Variants in FBXO42 observed in about 807,000 individuals in gnomAD.
The protein encoded by FBXO42 is F-box protein 42, also known as F-box only protein 42.
A neutral mutation model predicts 71.7 loss-of-function variants in FBXO42; 12 were observed. The ratio of observed to expected loss-of-function variants is 0.17; its 90% CI spans 0.11 to 0.27. The LOEUF is 0.27. FBXO42 is among the 10% of genes least tolerant of loss of function. The probability of loss-of-function intolerance (pLI) is 1.00; values close to 1 mark genes in which losing one functional copy is unlikely to be tolerated. For missense variants in FBXO42, 707 were observed against 911.9 expected, an observed-to-expected ratio of 0.78 and a Z score of 2.89; for synonymous variants, 325 against 327.5, an observed-to-expected ratio of 0.99 and a Z score of 0.08.
At chr1:16,289,043 C>A (rs534388789) in intron 4 of FBXO42, among the ~76,000 whole-genome samples, 1 of 151,408 alleles carries the variant, frequency 6.6e-6, no homozygotes, top group Non-Finnish European at 1.5e-5. Flanking sequence ...TCTGTCTAGT[C>A]TGGTTTACTT....
At chr1:16,266,209 T>G (rs1161847382) in intron 4 of FBXO42, among the ~76,000 whole-genome samples, 1 of 152,124 alleles carries the variant, frequency 6.6e-6, no homozygotes, top group Non-Finnish European at 1.5e-5. Flanking sequence ...GAAACATCTC[T>G]TTCATACATA....
In FBXO42 at chr1:16,249,189, A is replaced by G. The variant is rs1162192025; in HGVS notation, c.*1481T>C. On this transcript the variant is annotated 3_prime_UTR_variant, in exon 10 of 10. Transcript: ENST00000375592. ...CAAAAATCCCTATTTAAATGGTGCCATTTGAAATAAACTTATTTTGACATC... is the reference window on the plus strand; with the variant it reads ...CAAAAATCCCTATTTAAATGGTGCCGTTTGAAATAAACTTATTTTGACATC... 2 of 152,260 alleles carry G rather than the reference A, an allele frequency of 1.3e-5. No individual in the cohort carries two copies. Among genetic ancestry groups the G allele is most frequent in the Non-Finnish European group, 2.9e-5 (2 of 68,040 alleles). 9.4% of individuals were successfully genotyped at this position (152,260 alleles called of 1,614,324 possible).
chr1:16,261,209 A>G (rs1202210713), intron 4 of FBXO42, among the ~76,000 whole-genome samples: 3 of 151,990 alleles, frequency 2.0e-5, no homozygotes, highest in African/African-American at 7.2e-5. Flanking sequence ...TATTCTTAGA[A>G]CCTCTTTTTC....
chr1:16,264,752 A>G (rs2081753086), intron 4 of FBXO42, among the ~76,000 whole-genome samples: 1 of 152,264 alleles, frequency 6.6e-6, no homozygotes, highest in Non-Finnish European at 1.5e-5. Flanking sequence ...CAGCTGTGGC[A>G]AACTGAATAA....
chr1:16,270,752 A>G (rs6666807), intron 4 of FBXO42, among the ~76,000 whole-genome samples: 729 of 21,498 alleles, frequency 0.034, 14 homozygotes, highest in African/African-American at 0.12. Context: ...ACCATGAGAT[A>G]CACACACACA....
At chr1:16,324,233 C>T (rs546804964) in intron 1 of FBXO42, among the ~76,000 whole-genome samples, 20 of 152,138 alleles carry the variant, frequency 1.3e-4, no homozygotes, top group South Asian at 2.1e-4. Context: ...GTAAAAATAC[C>T]GTGCTTATTG....
At chr1:16,268,155 A>C (rs1401999313) in intron 4 of FBXO42, among the ~76,000 whole-genome samples, 1 of 152,172 alleles carries the variant, frequency 6.6e-6, no homozygotes, top group Non-Finnish European at 1.5e-5. Context: ...TCTTTCAAGT[A>C]GGGACTTTAA....
chr1:16,303,568 ATTT>A (rs35346839), intron 3 of FBXO42, among the ~76,000 whole-genome samples: 4 of 141,326 alleles, frequency 2.8e-5, no homozygotes, highest in Non-Finnish European at 3.1e-5. Context: ...CAAGAAGATA[ATTT>A]TTTTTTTTTT....
chr1:16,260,171 T>C (rs1285430767), intron 4 of FBXO42, among the ~76,000 whole-genome samples: 1 of 151,496 alleles, frequency 6.6e-6, no homozygotes, highest in Non-Finnish European at 1.5e-5. Flanking sequence ...TAATGACTAA[T>C]ATTTATTGAG....
intron 4 of FBXO42, among the ~76,000 whole-genome samples, chr1:16,274,678 G>A (rs561516228): frequency 9.1e-5 from 12 of 132,336 alleles, no homozygotes; most frequent in African/African-American, 3.1e-4. Context: ...TGCAACCTCC[G>A]CCTCCTGGGT....
At chr1:16,276,145 G>T (rs1021995563) in intron 4 of FBXO42, among the ~76,000 whole-genome samples, 15 of 152,038 alleles carry the variant, frequency 9.9e-5, no homozygotes, top group Non-Finnish European at 1.6e-4. Context: ...ACTTTGGGAG[G>T]CCGAGGTGGG....
intron 2 of FBXO42, among the ~76,000 whole-genome samples, chr1:16,306,246 T>C (rs1353208360): frequency 6.6e-6 from 1 of 152,148 alleles, no homozygotes; most frequent in African/African-American, 2.4e-5. Flanking sequence ...CTTGAACTCC[T>C]GACCTCGTGA....
intron 2 of FBXO42, among the ~76,000 whole-genome samples, chr1:16,306,486 A>C (rs1304429908): frequency 6.9e-6 from 1 of 144,256 alleles, no homozygotes; most frequent in African/African-American, 2.9e-5. Context: ...AGTCCCTTTT[A>C]TTTTATCTCA....
At chr1:16,333,196 A>T (rs776234764) in intron 1 of FBXO42, among the ~76,000 whole-genome samples, 1 of 152,144 alleles carries the variant, frequency 6.6e-6, no homozygotes, top group Non-Finnish European at 1.5e-5. Context: ...AGTTATATAA[A>T]TATTTGTTGA....
At chr1:16,347,456 G>A (rs1441783497) in intron 1 of FBXO42, among the ~76,000 whole-genome samples, 3 of 152,148 alleles carry the variant, frequency 2.0e-5, no homozygotes, top group Non-Finnish European at 4.4e-5. Flanking sequence ...AAAGGTTGCA[G>A]TGAGCCAAGA....
chr1:16,346,063 C>A (rs1304778239), intron 1 of FBXO42, among the ~76,000 whole-genome samples: 1 of 151,962 alleles, frequency 6.6e-6, no homozygotes, highest in Non-Finnish European at 1.5e-5. Context: ...ATGGTGAGAA[C>A]GAAGTGTAAA....
intron 4 of FBXO42, among the ~76,000 whole-genome samples, chr1:16,279,854 C>CTTTTTTCTTTT (rs1553151076): frequency 1.5e-4 from 21 of 138,192 alleles, no homozygotes; most frequent in African/African-American, 5.5e-4. Flanking sequence ...TTTTTTTTTT[C>CTTTTTTCTTTT]TTTTTTTTTT....
chr1:16,309,985 G>A (rs192676070), intron 2 of FBXO42, among the ~76,000 whole-genome samples: 192 of 152,060 alleles, frequency 1.3e-3, no homozygotes, highest in African/African-American at 4.5e-3. Context: ...CACAAGGTCA[G>A]GAGATCGAGA....
At chr1:16,315,146 A>G in intron 2 of FBXO42, 23 bp downstream of exon 2, 1 of 1,564,248 alleles carries the variant, frequency 6.4e-7, no homozygotes. Context: ...TCAATAAATA[A>G]ACCTTTCTCC....
Sources: gnomAD v4.1 joint callset for allele counts (sites outside exome capture counted in the v4.1 genomes callset) on GRCh38, gnomAD v4.1.1 for gene constraint, MANE v1.5 for transcripts, NCBI Gene and HGNC (gene_info 2026-07-23, HGNC 2026-07-21) for gene names.